Variants in VDAC1 observed in about 807,000 individuals in gnomAD.
VDAC1 encodes non-selective voltage-gated ion channel VDAC1.
In VDAC1, 10 loss-of-function variants were observed where a neutral mutation model predicts 34.7. The observed-to-expected ratio is 0.29, with a 90% CI of 0.18 to 0.49. The LOEUF is 0.49. Ranked by LOEUF, VDAC1 falls within the 20% of genes least tolerant of loss-of-function variation. VDAC1 has a pLI of 0.99. For missense variants in VDAC1, 230 were observed against 347.9 expected (o/e 0.66, Z 2.69); for synonymous variants, 130 against 136.0 (o/e 0.96, Z 0.30).
At chr5:133,975,711 G>C (rs1335986208) in intron 7 of VDAC1, among the ~76,000 whole-genome samples, 160 bp downstream of exon 7, 1 of 151,766 alleles carries the variant, frequency 6.6e-6, no homozygotes, top group Non-Finnish European at 1.5e-5. Context: ...TGCCTGCCTT[G>C]GCCTCCCAAA....
chr5:134,094,849 G>A, the VDAC1 span, among the ~76,000 whole-genome samples: 6 of 152,200 alleles, frequency 3.9e-5, no homozygotes, highest in African/African-American at 1.2e-4. Flanking sequence ...AGTACACACT[G>A]ATGGGGCTGC....
chr5:133,976,869 C>A (rs1334409303), intron 6 of VDAC1, among the ~76,000 whole-genome samples: 3 of 151,998 alleles, frequency 2.0e-5, no homozygotes, highest in African/African-American at 7.3e-5. Context: ...CATGATGAAA[C>A]CCTGTCTCTA....
chr5:134,060,607 T>C, the VDAC1 span, among the ~76,000 whole-genome samples: 1 of 151,812 alleles, frequency 6.6e-6, no homozygotes, highest in African/African-American at 2.4e-5. Flanking sequence ...AATTTATAAC[T>C]GCAACATTCA....
the VDAC1 span, among the ~76,000 whole-genome samples, chr5:134,081,527 T>A: frequency 6.6e-6 from 1 of 152,244 alleles, no homozygotes; most frequent in Non-Finnish European, 1.5e-5. Context: ...CTATTTTAAT[T>A]GCTAAAAACT....
intron 7 of VDAC1, among the ~76,000 whole-genome samples, chr5:133,974,894 G>A (rs985601474): frequency 9.9e-5 from 15 of 151,724 alleles, no homozygotes; most frequent in African/African-American, 3.1e-4. Context: ...CGGAGGTTGC[G>A]CAGTGAGCTG....
intron 6 of VDAC1, among the ~76,000 whole-genome samples, chr5:133,979,716 C>T (rs1019977290): frequency 1.3e-5 from 2 of 152,194 alleles, no homozygotes; most frequent in Admixed American, 6.5e-5. Context: ...GCGTGAGCCA[C>T]GACGCCCGGC....
chr5:134,017,844 C>T, the VDAC1 span, among the ~76,000 whole-genome samples: 1 of 151,920 alleles, frequency 6.6e-6, no homozygotes, highest in Non-Finnish European at 1.5e-5. Context: ...ACCCAGGAGG[C>T]GGAGCTTGCA....
intron 1 of VDAC1, among the ~76,000 whole-genome samples, chr5:133,997,291 C>G (rs887302007): frequency 9.9e-5 from 15 of 152,112 alleles, no homozygotes; most frequent in Admixed American, 6.6e-4. Flanking sequence ...TGAGGATGCT[C>G]ACTGCAGCAG....
chr5:134,009,498 C>A (rs1753800299), upstream of VDAC1, among the ~76,000 whole-genome samples: 2 of 150,894 alleles, frequency 1.3e-5, no homozygotes, highest in Admixed American at 6.6e-5. Flanking sequence ...ACCTTGTGAT[C>A]TGCCGGCCTC....
chr5:134,079,809 C>T, the VDAC1 span, among the ~76,000 whole-genome samples: 2 of 152,194 alleles, frequency 1.3e-5, no homozygotes, highest in African/African-American at 4.8e-5. Flanking sequence ...CCTCAAGGGC[C>T]ACTGATACCC....
At chr5:134,024,088 A>T in the VDAC1 span, among the ~76,000 whole-genome samples, 34 of 151,834 alleles carry the variant, frequency 2.2e-4, no homozygotes, top group Admixed American at 2.2e-3. Context: ...GGTTGCAGTG[A>T]GCTGAGATCA....
At chr5:134,012,270 C>T in the VDAC1 span, among the ~76,000 whole-genome samples, 4 of 152,182 alleles carry the variant, frequency 2.6e-5, no homozygotes, top group Admixed American at 6.5e-5. Flanking sequence ...AGACTCCTGA[C>T]CTCTAGAACT....
the VDAC1 span, among the ~76,000 whole-genome samples, chr5:134,039,101 A>C: frequency 1.3e-5 from 2 of 152,152 alleles, no homozygotes; most frequent in Non-Finnish European, 2.9e-5. Context: ...AAGCAAAGTG[A>C]AACCAATTCT....
intron 1 of VDAC1, among the ~76,000 whole-genome samples, chr5:134,003,689 A>G (rs1406217899): frequency 6.6e-6 from 1 of 152,214 alleles, no homozygotes; most frequent in African/African-American, 2.4e-5. Context: ...CAGGGTTTCT[A>G]CTTAGCCCTT....
At chr5:133,983,700 CACT>C (rs746936151) in intron 5 of VDAC1, among the ~76,000 whole-genome samples, 29 of 152,126 alleles carry the variant, frequency 1.9e-4, no homozygotes, top group Non-Finnish European at 3.7e-4. Flanking sequence ...ACAAAATCAC[CACT>C]GATACAGTTT....
the VDAC1 span, among the ~76,000 whole-genome samples, chr5:134,057,700 A>G: frequency 6.6e-6 from 1 of 151,910 alleles, no homozygotes; most frequent in African/African-American, 2.4e-5. Context: ...AAAAAAAAAA[A>G]AAAGGATATG....
chr5:134,011,025 A>G, the VDAC1 span, among the ~76,000 whole-genome samples: 1 of 150,398 alleles, frequency 6.6e-6, no homozygotes, highest in South Asian at 2.1e-4. Context: ...ATCTAAGTAT[A>G]CAGTGCAGTA....
chr5:133,979,720 G>A (rs1307318146), intron 6 of VDAC1, among the ~76,000 whole-genome samples: 2 of 152,134 alleles, frequency 1.3e-5, no homozygotes, highest in Non-Finnish European at 2.9e-5. Context: ...GAGCCACGAC[G>A]CCCGGCCAAA....
At chr5:134,024,358 T>G in the VDAC1 span, among the ~76,000 whole-genome samples, 2 of 151,498 alleles carry the variant, frequency 1.3e-5, no homozygotes, top group East Asian at 2.0e-4. Context: ...TGAAACCCTG[T>G]CTCTACCAAA....
Sources: allele counts gnomAD v4.1 joint callset (sites outside exome capture counted in the v4.1 genomes callset), GRCh38; gene constraint gnomAD v4.1.1; transcripts MANE v1.5; gene names NCBI Gene and HGNC (gene_info 2026-07-23, HGNC 2026-07-21).